The following NRXN1 variants were observed in gnomAD, a reference collection of about 807,000 sequenced individuals.
NRXN1 encodes neurexin-1.
NRXN1 carries 39 observed loss-of-function variants against 150.9 expected under a neutral mutation model. The ratio of observed to expected loss-of-function variants is 0.26; its 90% confidence interval spans 0.20 to 0.34. The LOEUF (loss-of-function observed/expected upper bound fraction) is 0.34. Ranked by LOEUF, NRXN1 falls within the 10% of genes least tolerant of loss-of-function variation. The pLI, the probability that NRXN1 is intolerant of heterozygous loss-of-function variation, is 1.00. For synonymous variants in NRXN1, 924 were observed against 757.0 expected, an observed-to-expected ratio of 1.22 and a Z score of -3.62; for missense variants, 1,815 against 1,949.9, an observed-to-expected ratio of 0.93 and a Z score of 1.30.
intron 18 of NRXN1, among the ~76,000 whole-genome samples, chr2:50,095,314 A>C (rs1295550646): frequency 6.6e-6 from 1 of 152,172 alleles, no homozygotes; most frequent in East Asian, 1.9e-4. Flanking sequence ...GAACAAGTTT[A>C]ATTCCTGTTA....
At chr2:50,030,481 T>C (rs1264509746) in intron 21 of NRXN1, among the ~76,000 whole-genome samples, 1 of 152,146 alleles carries the variant, frequency 6.6e-6, no homozygotes, top group Non-Finnish European at 1.5e-5. Context: ...GAAAGTTTAC[T>C]TTCTCCTCCT....
Position 50,102,700 on chromosome 2 carries a change from G to A in NRXN1, c.3547-11206C>T, listed in dbSNP as rs73932933. Among the ~76,000 whole-genome samples, 321 of 152,168 alleles carry A rather than the reference G, an allele frequency of 2.1e-3. 4 individuals carry two copies. The highest frequency in any genetic ancestry group is 7.1e-3 in the African/African-American group (296 of 41,566). ...TTAAGCAAAGTCTCCTTGAGAAGCT[G>A]AAGATGAGAAGAAATCAATAATGAA... is the stretch of plus-strand genomic sequence containing the variant. On this transcript the variant is annotated intron_variant, in intron 18 of 22. Coordinates refer to ENST00000401669, the MANE Select transcript of NRXN1 (RefSeq NM_001330078.2).
At chr2:50,579,977 T>C (rs1234252248) in intron 8 of NRXN1, among the ~76,000 whole-genome samples, 1 of 152,242 alleles carries the variant, frequency 6.6e-6, no homozygotes, top group Non-Finnish European at 1.5e-5. Context: ...ATTTTTCTGA[T>C]TGAAATTATT....
At chr2:50,759,210 G>A (rs1381178826) in intron 5 of NRXN1, among the ~76,000 whole-genome samples, 2 of 151,864 alleles carry the variant, frequency 1.3e-5, no homozygotes, top group Non-Finnish European at 2.9e-5. Flanking sequence ...TTCAAGGTAA[G>A]AACTAATAAT....
intron 18 of NRXN1, among the ~76,000 whole-genome samples, chr2:50,111,128 C>T (rs901536494): frequency 3.3e-5 from 5 of 152,076 alleles, no homozygotes; most frequent in Admixed American, 6.5e-5. Flanking sequence ...GGGCAACTAG[C>T]GAAAGAAATG....
chr2:51,008,338 C>T (rs1667344991), intron 2 of NRXN1, among the ~76,000 whole-genome samples: 1 of 151,874 alleles, frequency 6.6e-6, no homozygotes, highest in Non-Finnish European at 1.5e-5. Context: ...TATTCTGAAG[C>T]TGTGAGTGGC....
intron 17 of NRXN1, among the ~76,000 whole-genome samples, chr2:50,461,244 CT>C (rs1251964576): frequency 1.3e-5 from 2 of 151,936 alleles, no homozygotes; most frequent in Non-Finnish European, 2.9e-5. Context: ...AAGATTTTCT[CT>C]TGGCAAAGTT....
At chr2:50,580,472 CTTGA>C (rs1672097691) in intron 8 of NRXN1, among the ~76,000 whole-genome samples, 1 of 152,126 alleles carries the variant, frequency 6.6e-6, no homozygotes, top group South Asian at 2.1e-4. Context: ...TTAGTTGTTA[CTTGA>C]TTAACATAGA....
At chr2:50,372,759 C>T (rs1325930284) in intron 17 of NRXN1, among the ~76,000 whole-genome samples, 2 of 152,064 alleles carry the variant, frequency 1.3e-5, no homozygotes, top group African/African-American at 4.8e-5. Context: ...ATAATTTAAA[C>T]AAAGTAAATG....
chr2:50,109,775 T>TTAGA lies in NRXN1; in HGVS notation c.3547-18285_3547-18282dup, dbSNP rs1299895550. 2.6e-5 allele frequency among the ~76,000 whole-genome samples: 4 copies of TTAGA among 152,240 alleles called. No individual in the cohort carries two copies. In the East Asian group the frequency reaches 7.7e-4, roughly 29 times the overall value. On this transcript the variant is annotated intron_variant, in intron 18 of 22. Transcript: ENST00000401669. The stretch of plus-strand genomic sequence containing the variant: ...TTTGGTTGAGGCCAGGGTACTATAT[T>TTAGA]TAGATAGTATAAATGTATCCAGAGA...
chr2:50,548,019 AT>A (rs1261187042), intron 9 of NRXN1: 2 of 152,230 alleles, frequency 1.3e-5, no homozygotes, highest in East Asian at 3.9e-4. Flanking sequence ...AAAATTACAC[AT>A]AAAGGTGTTA....
intron 17 of NRXN1, among the ~76,000 whole-genome samples, chr2:50,376,608 CA>C (rs1214198016): frequency 2.6e-5 from 4 of 152,058 alleles, no homozygotes; most frequent in Non-Finnish European, 5.9e-5. Flanking sequence ...CCACAAATTT[CA>C]ATTAATTAAG....
In NRXN1 at chr2:50,347,423, AG is replaced by A. The variant is rs910871678; in HGVS notation, c.3365-110454del. On this transcript the variant is annotated intron_variant, in intron 17 of 22. Transcript: ENST00000401669. This position sits in a 1 kb window ranked among gnomAD's most constrained non-coding sequence, Gnocchi z 4.9. Reference sequence around the variant, plus strand: ...CCATTTAGCTTTGTGTGCGGGGACTAGGGAGGCCACTTCGCCGGCCCAACCT... The same window carrying A: ...CCATTTAGCTTTGTGTGCGGGGACTAGGAGGCCACTTCGCCGGCCCAACCT... 13 of 1,149,662 alleles carry A rather than the reference AG, an allele frequency of 1.1e-5. No homozygotes were observed. Among genetic ancestry groups the A allele is most frequent in the African/African-American group, 1.7e-5 (1 of 59,144 alleles). The allele number at this position is 1,149,662 out of a possible 1,614,324, so 71.2% of individuals were successfully genotyped here. A position where few individuals can be genotyped will look rare whatever the true frequency, so the allele number is the denominator to read the frequency against.
In NRXN1 at chr2:50,288,790, T is replaced by C. The variant is rs1356886; in HGVS notation, c.3365-51820A>G. Among the ~76,000 whole-genome samples, 7 of 152,224 alleles carry C rather than the reference T, an allele frequency of 4.6e-5. No homozygotes were observed. In the East Asian group the frequency reaches 1.4e-3, roughly 29 times the overall value. On this transcript the variant is annotated intron_variant, in intron 17 of 22. Coordinates refer to ENST00000401669, the MANE Select transcript of NRXN1 (RefSeq NM_001330078.2). ...CTCAGGACACGTGGGAATTATGGGA[T>C]GTACACTTCAAGATGAGATTTGGGT...
Position 51,028,338 on chromosome 2 carries a change from G to T in NRXN1, c.-65C>A. Reference sequence around the variant, plus strand: ...CAGGGTCAAAATGGTCCTGGACACCGTGACGAAGAAATAAGGGTCCCGAGA... The same window carrying T: ...CAGGGTCAAAATGGTCCTGGACACCTTGACGAAGAAATAAGGGTCCCGAGA... On this transcript the variant is annotated 5_prime_UTR_variant, in exon 2 of 23. Coordinates refer to ENST00000401669, the MANE Select transcript of NRXN1 (RefSeq NM_001330078.2). 8.8e-7 allele frequency: 1 copy of T among 1,130,120 alleles called. No homozygotes were observed. The highest frequency in any genetic ancestry group is 1.2e-6 in the Non-Finnish European group (1 of 841,320). The allele number at this position is 1,130,120 out of a possible 1,614,324, so 70.0% of individuals were successfully genotyped here. A position where few individuals can be genotyped will look rare whatever the true frequency, so the allele number is the denominator to read the frequency against.
chr2:50,746,544 C>G (rs1034734189), intron 5 of NRXN1, among the ~76,000 whole-genome samples: 2 of 148,324 alleles, frequency 1.3e-5, no homozygotes, highest in South Asian at 4.3e-4. Flanking sequence ...GGCAACAGAG[C>G]AAGACCCTGT....
intron 22 of NRXN1, among the ~76,000 whole-genome samples, chr2:49,934,599 C>T (rs1670681652): frequency 6.6e-6 from 1 of 152,158 alleles, no homozygotes; most frequent in Non-Finnish European, 1.5e-5. Context: ...AACTTCCCCT[C>T]TGAGCCCATT....
chr2:50,272,817 A>T (rs539897888), intron 17 of NRXN1, among the ~76,000 whole-genome samples: 1 of 152,228 alleles, frequency 6.6e-6, no homozygotes, highest in Admixed American at 6.5e-5. Context: ...AAACACACAG[A>T]TTGCCACATA....
At chr2:50,501,877 C>T (rs950365619) in intron 13 of NRXN1, among the ~76,000 whole-genome samples, 1 of 152,168 alleles carries the variant, frequency 6.6e-6, no homozygotes, top group Non-Finnish European at 1.5e-5. Flanking sequence ...CAACAGATAA[C>T]TGACTTAATA....
Sources: allele counts gnomAD v4.1 joint callset (sites outside exome capture counted in the v4.1 genomes callset), GRCh38; gene constraint gnomAD v4.1.1; non-coding constraint Gnocchi (gnomAD v3.1); transcripts MANE v1.5; gene names NCBI Gene and HGNC (gene_info 2026-07-23, HGNC 2026-07-21).